C2orf76: variants seen among roughly 807,000 people sequenced by gnomAD.
C2orf76 encodes the protein chromosome 2 open reading frame 76, also known as UPF0538 protein C2orf76.
C2orf76 carries 23 observed loss-of-function variants against 16.9 expected under a neutral mutation model. The observed-to-expected ratio is 1.36, with a 90% CI of 0.98 to 1.93. The LOEUF is 1.93. Among genes scored for constraint, C2orf76 ranks in the 30% most tolerant of loss-of-function variants. The probability of loss-of-function intolerance (pLI) is 0.00; values close to 1 mark genes in which losing one functional copy is unlikely to be tolerated. For missense variants in C2orf76, 152 were observed against 152.6 expected (o/e 1.00, Z 0.02); for synonymous variants, 48 against 52.3 (o/e 0.92, Z 0.35).
At chr2:119,367,095 A>C, upstream of C2orf76, 2 of 1,612,950 alleles carry the variant, frequency 1.2e-6, no homozygotes, top group South Asian at 2.2e-5. Flanking sequence ...GCGAAGGTGC[A>C]GCGGGCGGGA....
At chr2:119,320,835 T>A (rs1165398102) in intron 3 of C2orf76, among the ~76,000 whole-genome samples, 1 of 152,158 alleles carries the variant, frequency 6.6e-6, no homozygotes, top group African/African-American at 2.4e-5. Flanking sequence ...CTATATAACA[T>A]GCTCAAATTA....
At chr2:119,309,398 C>CTTTTTTTTTTTTTTT (rs1193022536) in intron 5 of C2orf76, among the ~76,000 whole-genome samples, 87 of 71,398 alleles carry the variant, frequency 1.2e-3, no homozygotes, top group Non-Finnish European at 1.4e-3. Flanking sequence ...TTCTCTTTTT[C>CTTTTTTTTTTTTTTT]TTTTTTTTTT....
At chr2:119,366,504 T>C in intron 1 of C2orf76, 1 of 471,806 alleles carries the variant, frequency 2.1e-6, no homozygotes, top group South Asian at 1.5e-5. Flanking sequence ...ACCATCACGC[T>C]GCTCATCAGG....
intron 2 of C2orf76, among the ~76,000 whole-genome samples, chr2:119,328,778 A>G (rs1679587364): frequency 6.6e-6 from 1 of 152,146 alleles, no homozygotes; most frequent in Non-Finnish European, 1.5e-5. Context: ...ACAAAATTTG[A>G]AAAGTTGTAT....
Position 119,339,904 on chromosome 2 carries a change from C to A in C2orf76, c.56G>T (p.Arg19Leu), listed in dbSNP as rs780592227. Residue 19 changes from arginine to leucine, a missense_variant, in exon 2 of 6, where the codon CGC (arginine) becomes CTC (leucine). By Grantham distance (102) the Arg-to-Leu change is moderately radical (BLOSUM62 -2). Transcript: ENST00000334816. Reference protein sequence around the residue: ...TVRLIRSFEHRNFKPVVYHGV... With the variant: ...TVRLIRSFEHLNFKPVVYHGV... ...GTGATACACTACAGGTTTGAAATTG[C>A]GATGTTCAAAGGAACGGATGAGGCG... 1.2e-6 allele frequency: 2 copies of A among 1,613,052 alleles called. No homozygotes were observed. The highest frequency in any genetic ancestry group is 2.2e-5 in the South Asian group (2 of 91,038).
intron 1 of C2orf76, among the ~76,000 whole-genome samples, chr2:119,353,265 A>G (rs1259503674): frequency 6.6e-6 from 1 of 152,214 alleles, no homozygotes; most frequent in Non-Finnish European, 1.5e-5. Flanking sequence ...CTGTTAGTAG[A>G]TGAATGATAA....
chr2:119,365,816 G>A (rs1213256125), intron 1 of C2orf76, among the ~76,000 whole-genome samples: 1 of 152,002 alleles, frequency 6.6e-6, no homozygotes, highest in African/African-American at 2.4e-5. Context: ...TAACAATCTC[G>A]CAAAGACGTT....
chr2:119,312,395 T>C (rs1411840146), intron 4 of C2orf76, among the ~76,000 whole-genome samples: 1 of 152,132 alleles, frequency 6.6e-6, no homozygotes, highest in Non-Finnish European at 1.5e-5. Context: ...ACTGCATACA[T>C]GTGCCGCCAA....
chr2:119,303,605 CTCTCA>C (rs747930808), intron 5 of C2orf76, among the ~76,000 whole-genome samples: 1 of 152,220 alleles, frequency 6.6e-6, no homozygotes, highest in African/African-American at 2.4e-5. Flanking sequence ...TAGTTTACAA[CTCTCA>C]TCTCATCATT....
intron 2 of C2orf76, among the ~76,000 whole-genome samples, chr2:119,331,247 C>G (rs1405300774): frequency 1.3e-5 from 2 of 152,140 alleles, no homozygotes; most frequent in Admixed American, 6.5e-5. Context: ...TAGGTGGGAC[C>G]AGGACAGAAT....
intron 2 of C2orf76, among the ~76,000 whole-genome samples, chr2:119,326,308 CT>C (rs1679509087): frequency 6.6e-6 from 1 of 152,224 alleles, no homozygotes; most frequent in African/African-American, 2.4e-5. Context: ...TCCAATTGTC[CT>C]AATACCTTGC....
chr2:119,344,300 T>C (rs1021316457), intron 1 of C2orf76, among the ~76,000 whole-genome samples: 2 of 152,202 alleles, frequency 1.3e-5, no homozygotes, highest in African/African-American at 4.8e-5. Flanking sequence ...ACCTTACAGA[T>C]AATAAAATCT....
chr2:119,341,322 T>C (rs774288333), intron 1 of C2orf76, among the ~76,000 whole-genome samples: 4 of 152,194 alleles, frequency 2.6e-5, no homozygotes, highest in Non-Finnish European at 1.5e-5. Flanking sequence ...CTTTCTGTTA[T>C]ATATCAGCAA....
intron 1 of C2orf76, among the ~76,000 whole-genome samples, chr2:119,359,850 G>A (rs190162040): frequency 1.1e-4 from 17 of 152,278 alleles, no homozygotes; most frequent in African/African-American, 3.9e-4. Flanking sequence ...GACAAAAAAA[G>A]CGTTTAGAAT....
At chr2:119,308,617 G>A (rs1439703185) in intron 5 of C2orf76, among the ~76,000 whole-genome samples, 1 of 152,126 alleles carries the variant, frequency 6.6e-6, no homozygotes, top group African/African-American at 2.4e-5. Context: ...CTCCAGCCTG[G>A]GCGACAGAGC....
At chr2:119,307,872 T>C (rs1056568926) in intron 5 of C2orf76, among the ~76,000 whole-genome samples, 2 of 152,202 alleles carry the variant, frequency 1.3e-5, no homozygotes, top group Admixed American at 1.3e-4. Context: ...TTTAGTAAAG[T>C]CAAAACTTGC....
At chr2:119,336,292 C>T (rs935574034) in intron 2 of C2orf76, among the ~76,000 whole-genome samples, 2 of 152,082 alleles carry the variant, frequency 1.3e-5, no homozygotes, top group Non-Finnish European at 2.9e-5. Flanking sequence ...ACTCAGGAGG[C>T]TGAGGCAGGA....
intron 2 of C2orf76, among the ~76,000 whole-genome samples, chr2:119,324,780 T>C (rs1679455167): frequency 6.6e-6 from 1 of 152,118 alleles, no homozygotes; most frequent in Non-Finnish European, 1.5e-5. Context: ...CCTTCCACAG[T>C]GGCAGAAAGA....
the C2orf76 span, among the ~76,000 whole-genome samples, chr2:119,287,625 G>C: frequency 6.6e-6 from 1 of 152,102 alleles, no homozygotes; most frequent in Non-Finnish European, 1.5e-5. Flanking sequence ...GAGGAGACGT[G>C]ATATTTGTTC....
Sources: gnomAD v4.1 joint callset for allele counts (sites outside exome capture counted in the v4.1 genomes callset) on GRCh38, gnomAD v4.1.1 for gene constraint, MANE v1.5 for transcripts, NCBI Gene and HGNC (gene_info 2026-07-23, HGNC 2026-07-21) for gene names.